CSMD3: variants seen among roughly 807,000 people sequenced by gnomAD.
CSMD3 encodes CUB and sushi domain-containing protein 3.
Under a neutral mutation model 435.2 loss-of-function variants are expected in CSMD3, and 177 were observed. The ratio of observed to expected loss-of-function variants is 0.41; its 90% CI spans 0.36 to 0.46. CSMD3 has a LOEUF of 0.46. Ranked by LOEUF, CSMD3 falls within the 20% of genes least tolerant of loss-of-function variation. The pLI, the probability that CSMD3 is intolerant of heterozygous loss-of-function variation, is 0.34. For synonymous variants in CSMD3, 1,656 were observed against 1,520.5 expected (o/e 1.09, Z -2.07); for missense variants, 4,265 against 4,504.6 (o/e 0.95, Z 1.52).
chr8:113,326,443 C>G (rs1298359219), intron 1 of CSMD3, among the ~76,000 whole-genome samples: 1 of 151,346 alleles, frequency 6.6e-6, no homozygotes, highest in African/African-American at 2.4e-5. Flanking sequence ...ACTGATTTGT[C>G]TACAAATTAA....
Position 112,390,682 on chromosome 8 carries a change from T to C in CSMD3, c.5916A>G (p.Pro1972=). 6.2e-7 allele frequency: 1 copy of C among 1,613,540 alleles called. No homozygotes were observed. Among genetic ancestry groups the C allele is most frequent in the Non-Finnish European group, 8.5e-7 (1 of 1,179,450 alleles). Residue 1972 remains proline (P), a synonymous_variant, in exon 36 of 71, where the codon CCA becomes CCG. Coordinates refer to ENST00000297405, the MANE Select transcript of CSMD3 (RefSeq NM_198123.2). The part of the protein sequence containing the change: ...NLNCVWKITV[P]EGAGIQVQVV... ...TTCTTACTTGAATGCCAGCTCCCTC[T>C]GGCACTGTGATCTTCCACACACAAT... is the stretch of plus-strand genomic sequence containing the variant.
intron 10 of CSMD3, among the ~76,000 whole-genome samples, chr8:112,873,882 T>C (rs2081204838): frequency 6.6e-6 from 1 of 152,102 alleles, no homozygotes; most frequent in Non-Finnish European, 1.5e-5. Flanking sequence ...CTGATTTTTT[T>C]TGAAGGGTTT....
intron 32 of CSMD3, among the ~76,000 whole-genome samples, chr8:112,441,362 T>C (rs1238453447): frequency 6.6e-6 from 1 of 152,154 alleles, no homozygotes; most frequent in Non-Finnish European, 1.5e-5. Context: ...TTCCATACTT[T>C]CCCACATCTT....
chr8:112,310,160 T>G (rs930480241), intron 50 of CSMD3: 1 of 152,236 alleles, frequency 6.6e-6, no homozygotes, highest in Admixed American at 6.6e-5. Context: ...TTTATGACTA[T>G]GACTACACTT....
At chr8:112,650,956 G>A (rs7465295) in intron 18 of CSMD3, among the ~76,000 whole-genome samples, 24,844 of 128,346 alleles carry the variant, frequency 0.19, 2,138 homozygotes, top group Middle Eastern at 0.39. Context: ...TCTCAACCTC[G>A]GCACTGTTGA....
intron 1 of CSMD3, among the ~76,000 whole-genome samples, chr8:113,412,222 G>T (rs2094562884): frequency 6.6e-6 from 1 of 152,034 alleles, no homozygotes; most frequent in African/African-American, 2.4e-5. Context: ...AAACAACTGT[G>T]AGTCATATCA....
intron 4 of CSMD3, 79 bp from the exon 5 acceptor site, chr8:113,099,042 T>A: frequency 1.1e-6 from 1 of 888,416 alleles, no homozygotes; most frequent in South Asian, 1.4e-5. Context: ...AGCAAGTCAA[T>A]ATGTTTGGAT....
intron 3 of CSMD3, among the ~76,000 whole-genome samples, chr8:113,253,611 G>T (rs565877629): frequency 6.6e-6 from 1 of 151,932 alleles, no homozygotes; most frequent in African/African-American, 2.4e-5. Flanking sequence ...GTAGGCCGAG[G>T]CGGGCAGATA....
intron 9 of CSMD3, among the ~76,000 whole-genome samples, chr8:112,927,228 T>C (rs1165968011): frequency 1.3e-5 from 2 of 152,104 alleles, no homozygotes; most frequent in South Asian, 4.1e-4. Context: ...TACAAGTACG[T>C]ATTGCAGAAA....
chr8:113,367,892 T>C (rs1352281310), intron 1 of CSMD3, among the ~76,000 whole-genome samples: 2 of 152,144 alleles, frequency 1.3e-5, no homozygotes, highest in Non-Finnish European at 2.9e-5. Context: ...TTGTTTATTT[T>C]CTTCATGATA....
chr8:113,228,153 A>C (rs1269293280), intron 3 of CSMD3, among the ~76,000 whole-genome samples: 1 of 151,598 alleles, frequency 6.6e-6, no homozygotes, highest in African/African-American at 2.4e-5. Flanking sequence ...TATGGTCTTC[A>C]TGTTTTTAAA....
intron 13 of CSMD3, among the ~76,000 whole-genome samples, chr8:112,723,956 T>C (rs1291882545): frequency 6.6e-6 from 1 of 151,886 alleles, no homozygotes; most frequent in Non-Finnish European, 1.5e-5. Flanking sequence ...TGAGAGATCA[T>C]CCGTTCACTC....
At chr8:112,363,136 T>G (rs1285553800) in intron 38 of CSMD3, among the ~76,000 whole-genome samples, 3 of 152,012 alleles carry the variant, frequency 2.0e-5, no homozygotes, top group Admixed American at 1.3e-4. Context: ...TTTTAAAGTC[T>G]GAGATGTTTT....
chr8:113,218,118 A>T (rs575124051), intron 3 of CSMD3, among the ~76,000 whole-genome samples: 6 of 149,574 alleles, frequency 4.0e-5, no homozygotes, highest in African/African-American at 9.8e-5. Context: ...ATATATATAT[A>T]TTTTAATATT....
intron 10 of CSMD3, among the ~76,000 whole-genome samples, chr8:112,892,887 C>G (rs2081839870): frequency 6.6e-6 from 1 of 151,432 alleles, no homozygotes. Flanking sequence ...AGAACTTTGG[C>G]TGCTTTGTTA....
intron 7 of CSMD3, among the ~76,000 whole-genome samples, chr8:112,962,678 T>C (rs2084274989): frequency 6.6e-6 from 1 of 151,852 alleles, no homozygotes; most frequent in Non-Finnish European, 1.5e-5. Context: ...CTGTTTAAAA[T>C]AAACATAGAT....
At chr8:112,947,629 A>C (rs1294304243) in intron 9 of CSMD3, among the ~76,000 whole-genome samples, 161 bp downstream of exon 9, 1 of 151,814 alleles carries the variant, frequency 6.6e-6, no homozygotes, top group African/African-American at 2.4e-5. Context: ...TTACTTAACT[A>C]ATCCCTTTAA....
At chr8:112,561,999 AT>A (rs142041465) in intron 24 of CSMD3, among the ~76,000 whole-genome samples, 1 of 151,376 alleles carries the variant, frequency 6.6e-6, no homozygotes, top group Non-Finnish European at 1.5e-5. Flanking sequence ...ATTGTTTCCA[AT>A]TTTTTACTGC....
At chr8:112,477,930 G>T (rs1365869147) in intron 31 of CSMD3, among the ~76,000 whole-genome samples, 1 of 152,148 alleles carries the variant, frequency 6.6e-6, no homozygotes, top group Non-Finnish European at 1.5e-5. Context: ...AAAAGAACCT[G>T]GTGGGAGGTC....
Sources: gnomAD v4.1 joint callset for allele counts (sites outside exome capture counted in the v4.1 genomes callset) on GRCh38, gnomAD v4.1.1 for gene constraint, MANE v1.5 for transcripts, NCBI Gene and HGNC (gene_info 2026-07-23, HGNC 2026-07-21) for gene names.